PTK2: variants seen among roughly 807,000 people sequenced by gnomAD.
PTK2 encodes protein tyrosine kinase 2.
A neutral mutation model predicts 150.1 loss-of-function variants in PTK2; 45 were observed. That is an observed-to-expected ratio of 0.30 (90% CI 0.24 to 0.38). The LOEUF (loss-of-function observed/expected upper bound fraction) is 0.38. Ranked by LOEUF, PTK2 falls within the 10% of genes least tolerant of loss-of-function variation. PTK2 has a pLI of 1.00. For missense variants in PTK2, 919 were observed against 1,307.3 expected (o/e 0.70, Z 4.58); for synonymous variants, 432 against 449.2 (o/e 0.96, Z 0.48).
At chr8:140,990,609 C>T (rs956560637) in intron 1 of PTK2, among the ~76,000 whole-genome samples, 1 of 152,116 alleles carries the variant, frequency 6.6e-6, no homozygotes, top group African/African-American at 2.4e-5. Flanking sequence ...ATTATTTTTG[C>T]TTTCATTGAG....
chr8:140,763,931 A>G (rs571250016), intron 15 of PTK2, among the ~76,000 whole-genome samples: 2 of 152,228 alleles, frequency 1.3e-5, no homozygotes, highest in Non-Finnish European at 2.9e-5. Flanking sequence ...AACCAATAAT[A>G]CTAATTTTCT....
At chr8:140,795,681 G>A (rs1299131635) in intron 12 of PTK2, among the ~76,000 whole-genome samples, 1 of 152,084 alleles carries the variant, frequency 6.6e-6, no homozygotes, top group Non-Finnish European at 1.5e-5. Context: ...TGTCTGTTTT[G>A]TTTGCTGCTA....
At chr8:140,841,637 T>C (rs2100122428) in intron 7 of PTK2, among the ~76,000 whole-genome samples, 1 of 152,080 alleles carries the variant, frequency 6.6e-6, no homozygotes, top group African/African-American at 2.4e-5. Context: ...GAGAGCCATA[T>C]ACACATAGTT....
intron 30 of PTK2, among the ~76,000 whole-genome samples, chr8:140,665,284 T>C (rs1055173499): frequency 2.0e-5 from 3 of 151,960 alleles, no homozygotes; most frequent in Non-Finnish European, 4.4e-5. Flanking sequence ...TTTTTTTTTT[T>C]CTCATCTACT....
chr8:140,879,496 G>A (rs779404026), exon 4 of PTK2: 1 of 1,613,018 alleles, frequency 6.2e-7, no homozygotes. Context: ...GGGTGAGCAA[G>A]CTCATACTTC....
chr8:140,791,566 G>A (rs2100088433), intron 13 of PTK2, among the ~76,000 whole-genome samples: 1 of 152,162 alleles, frequency 6.6e-6, no homozygotes, highest in Non-Finnish European at 1.5e-5. Context: ...TTGCCAGGTT[G>A]GCTGGGGAGG....
At chr8:140,864,088 C>A (rs1473739190) in intron 5 of PTK2, among the ~76,000 whole-genome samples, 2 of 152,082 alleles carry the variant, frequency 1.3e-5, no homozygotes, top group Non-Finnish European at 2.9e-5. Flanking sequence ...CCTACTGTCT[C>A]CATATAATAG....
chr8:140,696,173 G>A (rs1349217482), intron 26 of PTK2, among the ~76,000 whole-genome samples: 1 of 152,172 alleles, frequency 6.6e-6, no homozygotes, highest in Non-Finnish European at 1.5e-5. Flanking sequence ...GGGGGAGAGT[G>A]CTGAATAAAG....
chr8:140,964,382 C>CTTT (rs918201879), intron 1 of PTK2, among the ~76,000 whole-genome samples: 1 of 145,222 alleles, frequency 6.9e-6, no homozygotes, highest in Non-Finnish European at 1.5e-5. Context: ...CAGCTAATTT[C>CTTT]TTTTTTTTTT....
chr8:140,744,534 A>G (rs1000182400), intron 19 of PTK2, 118 bp downstream of exon 22: 14 of 521,342 alleles, frequency 2.7e-5, no homozygotes, highest in Non-Finnish European at 4.8e-5. Context: ...AATTGGTACA[A>G]AACTGTACCA....
intron 23 of PTK2, among the ~76,000 whole-genome samples, chr8:140,706,913 AC>A (rs1439723006): frequency 6.6e-6 from 1 of 152,226 alleles, no homozygotes; most frequent in East Asian, 1.9e-4. Context: ...AATGTTCTTA[AC>A]AGCATTATTC....
chr8:140,719,622 C>T (rs567047359), intron 22 of PTK2, among the ~76,000 whole-genome samples: 347 of 152,280 alleles, frequency 2.3e-3, no homozygotes, highest in African/African-American at 8.1e-3. Context: ...ATGGCATTTA[C>T]TTGAGGGCTG....
chr8:140,813,330 T>C (rs1476990776), intron 10 of PTK2, among the ~76,000 whole-genome samples: 5 of 151,608 alleles, frequency 3.3e-5, no homozygotes, highest in Non-Finnish European at 7.4e-5. Flanking sequence ...TGCTTTGAAA[T>C]GAATGAGAAC....
intron 17 of PTK2, among the ~76,000 whole-genome samples, chr8:140,749,401 A>C (rs553600411): frequency 6.6e-6 from 1 of 152,332 alleles, no homozygotes; most frequent in African/African-American, 2.4e-5. Context: ...TTTCCTCAGA[A>C]GTAATTATTA....
At chr8:141,001,164 C>G (rs1391684890) in exon 1 of PTK2, 2 of 150,976 alleles carry the variant, frequency 1.3e-5, no homozygotes. Context: ...AGGCAGACGA[C>G]GACGGGGCGG....
intron 1 of PTK2, among the ~76,000 whole-genome samples, chr8:140,983,624 A>C (rs1373171676): frequency 4.6e-5 from 7 of 151,116 alleles, no homozygotes; most frequent in African/African-American, 7.3e-5. Context: ...CAGTACAAGA[A>C]GGCTGGTTCA....
intron 1 of PTK2, among the ~76,000 whole-genome samples, chr8:140,948,134 C>T (rs1396819350): frequency 1.3e-5 from 2 of 152,114 alleles, no homozygotes; most frequent in East Asian, 1.9e-4. Context: ...GATCATCAGA[C>T]ATACAGGGAA....
At chr8:140,846,710 G>A (rs1297048660) in intron 5 of PTK2, 32 bp from the exon 6 acceptor site, 1 of 1,496,096 alleles carries the variant, frequency 6.7e-7, no homozygotes, top group Admixed American at 1.8e-5. Context: ...AAACAACACT[G>A]TTTTAAAAGA....
intron 1 of PTK2, among the ~76,000 whole-genome samples, chr8:140,969,987 C>G (rs1410970770): frequency 6.6e-6 from 1 of 152,248 alleles, no homozygotes; most frequent in Non-Finnish European, 1.5e-5. Context: ...CTGGAGGCAG[C>G]TGTAGGCTGA....
Sources: gnomAD v4.1 joint callset for allele counts (sites outside exome capture counted in the v4.1 genomes callset) on GRCh38, gnomAD v4.1.1 for gene constraint, MANE v1.5 for transcripts, NCBI Gene and HGNC (gene_info 2026-07-23, HGNC 2026-07-21) for gene names.